The following ZNF730 variants were observed in gnomAD, a reference collection of about 807,000 sequenced individuals.
ZNF730 encodes the protein putative zinc finger protein 730.
In ZNF730, 12 loss-of-function variants were observed where a neutral mutation model predicts 12.6. The ratio of observed to expected loss-of-function variants is 0.95; its 90% confidence interval spans 0.61 to 1.54. The LOEUF is 1.54. ZNF730 is among the 40% of genes most tolerant of loss of function. The pLI is 0.00. For synonymous variants in ZNF730, 194 were observed against 195.8 expected (o/e 0.99, Z 0.08); for missense variants, 643 against 583.5 (o/e 1.10, Z -1.05).
chr19:23,118,530 T>A (rs1970561009), intron 1 of ZNF730, among the ~76,000 whole-genome samples: 1 of 152,164 alleles, frequency 6.6e-6, no homozygotes, highest in Non-Finnish European at 1.5e-5. Context: ...TGGGTCATTT[T>A]CTCTCACAGG....
chr19:23,133,807 A>G lies in ZNF730; in HGVS notation c.4-273A>G, dbSNP rs188988771. On this transcript the variant is annotated intron_variant, in intron 1 of 3. Coordinates refer to ENST00000597761, the MANE Select transcript of ZNF730 (RefSeq NM_001277403.2). ...CTGTATGATGTAAATATACCACTCA[A>G]AAATGTACATGTTAGTGTTCATGTC... is the stretch of plus-strand genomic sequence containing the variant. Among the ~76,000 whole-genome samples the G allele has an allele frequency of 9.0e-4, 128 of 142,924 alleles. 2 individuals carry two copies. Among genetic ancestry groups the G allele is most frequent in the East Asian group, 6.9e-3 (32 of 4,624 alleles). 93.8% of individuals were successfully genotyped at this position (142,924 alleles called of 152,430 possible).
In ZNF730 at chr19:23,119,772, G is replaced by A. The variant is rs138060767; in HGVS notation, c.3+2596G>A. On this transcript the variant is annotated intron_variant, in intron 1 of 3. Coordinates refer to ENST00000597761, the MANE Select transcript of ZNF730 (RefSeq NM_001277403.2). ...GCAGAGGTTGCAGTGAGCCAAGATCGCGCCACTGCACTCCAGCCTGGCGAC... is the reference window on the plus strand; with the variant it reads ...GCAGAGGTTGCAGTGAGCCAAGATCACGCCACTGCACTCCAGCCTGGCGAC... Among the ~76,000 whole-genome samples, 611 of 152,132 alleles carry A rather than the reference G, an allele frequency of 4.0e-3. 3 individuals are homozygous for A. Among genetic ancestry groups the A allele is most frequent in the African/African-American group, 0.012 (505 of 41,494 alleles).
chr19:23,137,502 T>G (rs1049639011), intron 3 of ZNF730, among the ~76,000 whole-genome samples: 2 of 152,252 alleles, frequency 1.3e-5, no homozygotes, highest in Admixed American at 6.5e-5. Context: ...GTTTTTTATA[T>G]ATAAAGTCAA....
chr19:23,093,322 T>C (rs1410217433), intron 1 of ZNF730, among the ~76,000 whole-genome samples: 1 of 152,236 alleles, frequency 6.6e-6, no homozygotes, highest in Non-Finnish European at 1.5e-5. Flanking sequence ...GTACCAGCTC[T>C]TCTTTTTACA....
At chr19:23,115,499 G>A (rs1412219931), upstream of ZNF730, among the ~76,000 whole-genome samples, 1 of 152,170 alleles carries the variant, frequency 6.6e-6, no homozygotes, top group Non-Finnish European at 1.5e-5. Flanking sequence ...CCTCAGGTCA[G>A]TAGAAACCTG....
At chr19:23,103,297 G>A (rs1970356383) in intron 1 of ZNF730, among the ~76,000 whole-genome samples, 3 of 152,192 alleles carry the variant, frequency 2.0e-5, no homozygotes, top group African/African-American at 4.8e-5. Flanking sequence ...AGAATTCCAT[G>A]TGTGGTTATA....
chr19:23,091,736 T>G (rs1970163035), intron 1 of ZNF730, among the ~76,000 whole-genome samples: 1 of 152,216 alleles, frequency 6.6e-6, no homozygotes, highest in African/African-American at 2.4e-5. Context: ...ATTTACCCAA[T>G]GCCTGTACCC....
chr19:23,138,003 G>GGTACCAGAAAGGATTT (rs1599599799), intron 3 of ZNF730, among the ~76,000 whole-genome samples: 3 of 74,744 alleles, frequency 4.0e-5, no homozygotes, highest in East Asian at 6.6e-4. Flanking sequence ...GGCTTTCACG[G>GGTACCAGAAAGGATTT]CCGGGCGCGG....
chr19:23,116,226 C>A (rs1477839165), upstream of ZNF730, among the ~76,000 whole-genome samples: 1 of 152,204 alleles, frequency 6.6e-6, no homozygotes, highest in Non-Finnish European at 1.5e-5. Context: ...GTGGCCCCAT[C>A]ATCCTTTGTT....
intron 1 of ZNF730, among the ~76,000 whole-genome samples, chr19:23,080,006 C>T (rs550852481): frequency 2.6e-5 from 4 of 152,182 alleles, no homozygotes; most frequent in Admixed American, 2.0e-4. Flanking sequence ...AGTGCAGTGG[C>T]GCCATCTTGG....
At position 23,128,006 on chromosome 19, in the gene ZNF730, A is replaced by G. The variant is rs528796506; in HGVS notation, c.4-6074A>G. The G allele has an allele frequency of 2.4e-4, 177 of 746,868 alleles. 1 individual carries two copies. Among genetic ancestry groups the G allele is most frequent in the Non-Finnish European group, 1.7e-5 (7 of 408,756 alleles). 46.3% of individuals were successfully genotyped at this position (746,868 alleles called of 1,614,324 possible). On this transcript the variant is annotated intron_variant, in intron 1 of 3. Transcript: ENST00000597761. ...CTCAGTAGGTCAAGATCTGTGACCT[A>G]TGGCATGGACAAGATCTGTGAAGGC...
intron 1 of ZNF730, among the ~76,000 whole-genome samples, chr19:23,125,294 G>A (rs536442467): frequency 6.6e-6 from 1 of 152,234 alleles, no homozygotes; most frequent in South Asian, 2.1e-4. Flanking sequence ...CTGAAAATGT[G>A]CATGTGACTT....
chr19:23,097,449 C>T (rs1474118232), intron 1 of ZNF730, among the ~76,000 whole-genome samples: 1 of 151,594 alleles, frequency 6.6e-6, no homozygotes, highest in African/African-American at 2.4e-5. Context: ...ACATCCTGCC[C>T]GGAAGAAAAC....
chr19:23,089,797 A>G (rs1970125960), intron 1 of ZNF730, among the ~76,000 whole-genome samples: 1 of 152,202 alleles, frequency 6.6e-6, no homozygotes, highest in Admixed American at 6.5e-5. Context: ...AAATAACCGA[A>G]AATGTGGAAG....
At chr19:23,134,474 G>C (rs911278861) in intron 2 of ZNF730, among the ~76,000 whole-genome samples, 6 of 146,066 alleles carry the variant, frequency 4.1e-5, no homozygotes, top group African/African-American at 1.5e-4. Context: ...GGAGGGAGGT[G>C]GGGGGGCCAG....
In ZNF730 at chr19:23,146,545, AT is replaced by A. The variant is rs757007310; in HGVS notation, c.1503del (p.His502IlefsTer23). On this transcript the variant is annotated frameshift_variant, in exon 4 of 4. Transcript: ENST00000597761. LOFTEE classifies it high-confidence loss of function. ...RFSHLTRHKTIHT is the reference protein window; with the variant it reads ...RFSHLTRHKTXHT ...CTCACACCTTACTAGGCATAAGACA[AT>A]TCATACATAAAATTGTAAAGACTGT... is the stretch of plus-strand genomic sequence containing the variant. The A allele has an allele frequency of 3.8e-6, 6 of 1,581,866 alleles. No homozygotes were observed. The highest frequency in any genetic ancestry group is 5.1e-6 in the Non-Finnish European group (6 of 1,167,116).
intron 1 of ZNF730, among the ~76,000 whole-genome samples, chr19:23,083,735 A>T (rs368419233): frequency 5.0e-4 from 76 of 151,936 alleles, no homozygotes; most frequent in African/African-American, 1.7e-3. Flanking sequence ...TTTTTTGATA[A>T]TACCTGTTAA....
rs752745915 is a variant in ZNF730, at chr19:23,121,489, G to A, written c.3+4313G>A. Among the ~76,000 whole-genome samples, 5 of 152,020 alleles carry A rather than the reference G, an allele frequency of 3.3e-5. No individual in the cohort carries two copies. In the South Asian group the frequency reaches 6.2e-4, roughly 19 times the overall value. On this transcript the variant is annotated intron_variant, in intron 1 of 3. Transcript: ENST00000597761. ...CCTGAGTAGCTGGGATTACAGGAGT[G>A]TGCCACCATGCCTGGCTAATTTTTG...
At chr19:23,089,034 GGC>G (rs1316819806) in intron 1 of ZNF730, among the ~76,000 whole-genome samples, 2 of 151,672 alleles carry the variant, frequency 1.3e-5, no homozygotes, top group Admixed American at 6.6e-5. Flanking sequence ...CACCTTGCCT[GGC>G]TAATTTTGTA....
Sources: allele counts gnomAD v4.1 joint callset (sites outside exome capture counted in the v4.1 genomes callset), GRCh38; gene constraint gnomAD v4.1.1; transcripts MANE v1.5; gene names NCBI Gene and HGNC (gene_info 2026-07-23, HGNC 2026-07-21).